Variants in DLGAP2 observed in about 807,000 individuals in gnomAD.
The protein encoded by DLGAP2 is disks large-associated protein 2.
Under a neutral mutation model 100.3 loss-of-function variants are expected in DLGAP2, and 26 were observed. The observed-to-expected ratio is 0.26, with a 90% CI of 0.19 to 0.36. DLGAP2 has a LOEUF of 0.36. Ranked by LOEUF, DLGAP2 falls within the 10% of genes least tolerant of loss-of-function variation. The pLI is 1.00. For synonymous variants in DLGAP2, 886 were observed against 630.1 expected (o/e 1.41, Z -6.08); for missense variants, 1,858 against 1,453.2 (o/e 1.28, Z -4.53).
intron 3 of DLGAP2, among the ~76,000 whole-genome samples, chr8:1,428,711 A>C (rs1797310232): frequency 6.6e-6 from 1 of 152,230 alleles, no homozygotes; most frequent in African/African-American, 2.4e-5. Context: ...TCAGGAATGC[A>C]AGGATGGCTC....
chr8:1,195,796 C>A (rs1177073814), intron 2 of DLGAP2, among the ~76,000 whole-genome samples: 1 of 152,200 alleles, frequency 6.6e-6, no homozygotes, highest in Non-Finnish European at 1.5e-5. Flanking sequence ...GTGGCGCGTT[C>A]CCCGGAGTGC....
intron 1 of DLGAP2, among the ~76,000 whole-genome samples, chr8:779,120 C>T (rs972989885): frequency 6.6e-6 from 1 of 152,264 alleles, no homozygotes; most frequent in Non-Finnish European, 1.5e-5. Context: ...CCGTCCGTCA[C>T]CCCTTTCTTT....
intron 3 of DLGAP2, among the ~76,000 whole-genome samples, chr8:1,359,164 A>G (rs891514641): frequency 5.3e-5 from 8 of 152,146 alleles, no homozygotes. Context: ...TCCCTGCACC[A>G]TAGAAAGGAG....
chr8:1,372,478 C>A (rs546626501), intron 3 of DLGAP2, among the ~76,000 whole-genome samples: 32 of 152,198 alleles, frequency 2.1e-4, no homozygotes, highest in Non-Finnish European at 3.4e-4. Flanking sequence ...GGGCTTCTCA[C>A]CCTCAGCTCT....
chr8:1,306,975 T>A, intron 3 of DLGAP2, among the ~76,000 whole-genome samples: 1 of 152,046 alleles, frequency 6.6e-6, no homozygotes, highest in East Asian at 1.9e-4. Context: ...TTTATGACAT[T>A]GGACTTGACA....
At chr8:1,059,280 C>T (rs1481234658) in intron 2 of DLGAP2, among the ~76,000 whole-genome samples, 8 of 152,046 alleles carry the variant, frequency 5.3e-5, no homozygotes, top group Admixed American at 2.0e-4. Flanking sequence ...ACTCCATCCC[C>T]GAGGGCCTCC....
intron 2 of DLGAP2, among the ~76,000 whole-genome samples, chr8:1,127,674 G>A (rs74856114): frequency 0.031 from 4,688 of 152,302 alleles, 233 homozygotes; most frequent in African/African-American, 0.11. Flanking sequence ...GAACCCTGGA[G>A]GGGAGAGATG....
At chr8:1,368,441 C>T (rs1014115371) in intron 3 of DLGAP2, among the ~76,000 whole-genome samples, 9 of 151,928 alleles carry the variant, frequency 5.9e-5, no homozygotes, top group Admixed American at 2.6e-4. Context: ...TGTGGCCACA[C>T]GGGGAGCTGT....
intron 2 of DLGAP2, among the ~76,000 whole-genome samples, chr8:1,050,346 C>T (rs1802642843): frequency 6.6e-6 from 1 of 152,168 alleles, no homozygotes; most frequent in African/African-American, 2.4e-5. Context: ...CAGGATAGTA[C>T]TCAATGTTGC....
intron 3 of DLGAP2, among the ~76,000 whole-genome samples, chr8:1,451,526 C>T (rs963792980): frequency 9.9e-5 from 15 of 152,040 alleles, no homozygotes; most frequent in South Asian, 2.1e-4. Context: ...TCCCATAAAC[C>T]GCCTTAATCC....
chr8:1,483,631 TCA>T lies in DLGAP2; in HGVS notation c.107-17734_107-17733del, dbSNP rs1467688449. Among the ~76,000 whole-genome samples, 340 of 83,264 alleles carry T rather than the reference TCA, an allele frequency of 4.1e-3. 12 individuals are homozygous for T. Among genetic ancestry groups the T allele is most frequent in the African/African-American group, 0.012 (222 of 18,656 alleles). The allele number at this position is 83,264 out of a possible 152,430, so 54.6% of individuals were successfully genotyped here. The stretch of plus-strand genomic sequence containing the variant: ...AAGGCTGAACTGCTGTGCAGGAGGC[TCA>T]GGGAGCAGGACCTGAGGGCGTCTAC... On this transcript the variant is annotated intron_variant, in intron 3 of 14. Transcript: ENST00000637795.
At chr8:962,579 G>A (rs977566531) in intron 2 of DLGAP2, among the ~76,000 whole-genome samples, 3 of 152,110 alleles carry the variant, frequency 2.0e-5, no homozygotes, top group Admixed American at 6.5e-5. Flanking sequence ...TCCTTTTGAG[G>A]TCACCTGCTC....
intron 2 of DLGAP2, among the ~76,000 whole-genome samples, chr8:949,766 G>A (rs1428207327): frequency 1.3e-5 from 2 of 152,244 alleles, no homozygotes; most frequent in South Asian, 2.1e-4. Flanking sequence ...AGAGAGTAGA[G>A]CTAAGAGGCT....
chr8:927,113 G>A (rs934590993), intron 2 of DLGAP2: 4 of 985,292 alleles, frequency 4.1e-6, no homozygotes, highest in Admixed American at 6.1e-5. Context: ...AAAAGACTTC[G>A]GAGCAAACTA....
chr8:1,405,316 A>C (rs1252539218), intron 3 of DLGAP2, among the ~76,000 whole-genome samples: 13 of 14,164 alleles, frequency 9.2e-4, no homozygotes, highest in South Asian at 9.3e-3. Flanking sequence ...TCGTGTATTG[A>C]GTGCTTACTG....
chr8:1,287,619 A>T (rs1174482514), intron 3 of DLGAP2, among the ~76,000 whole-genome samples: 2 of 62,982 alleles, frequency 3.2e-5, no homozygotes, highest in East Asian at 5.2e-4. Flanking sequence ...TGTTAGGGGA[A>T]CTAGTTTCGG....
intron 3 of DLGAP2, among the ~76,000 whole-genome samples, chr8:1,431,298 A>G (rs1244214852): frequency 6.6e-6 from 1 of 152,260 alleles, no homozygotes; most frequent in African/African-American, 2.4e-5. Context: ...TTTAAAGACT[A>G]AAACTCACTA....
intron 1 of DLGAP2, among the ~76,000 whole-genome samples, chr8:822,757 C>T (rs887476226): frequency 2.6e-5 from 4 of 152,078 alleles, no homozygotes; most frequent in African/African-American, 4.8e-5. Context: ...CAGGCCTGGG[C>T]GTGGTGAGAT....
chr8:1,173,886 A>G (rs1448386404), intron 2 of DLGAP2, among the ~76,000 whole-genome samples: 2 of 152,208 alleles, frequency 1.3e-5, no homozygotes, highest in East Asian at 3.8e-4. Context: ...GCACGCACCC[A>G]CTGACCTGCG....
Sources: allele counts gnomAD v4.1 joint callset (sites outside exome capture counted in the v4.1 genomes callset), GRCh38; gene constraint gnomAD v4.1.1; transcripts MANE v1.5; gene names NCBI Gene and HGNC (gene_info 2026-07-23, HGNC 2026-07-21).